The following ANKS1B variants were observed in gnomAD, a reference collection of about 807,000 sequenced individuals.
The protein encoded by ANKS1B is ankyrin repeat and sterile alpha motif domain-containing protein 1B.
ANKS1B carries 36 observed loss-of-function variants against 148.3 expected under a neutral mutation model. The ratio of observed to expected loss-of-function variants is 0.24; its 90% confidence interval spans 0.19 to 0.32. The LOEUF (loss-of-function observed/expected upper bound fraction) is 0.32. Among genes scored for constraint, ANKS1B ranks in the 10% least tolerant of loss-of-function variants. The probability of loss-of-function intolerance (pLI) is 1.00; values close to 1 mark genes in which losing one functional copy is unlikely to be tolerated. For synonymous variants in ANKS1B, 542 were observed against 560.8 expected (o/e 0.97, Z 0.47); for missense variants, 1,157 against 1,542.6 (o/e 0.75, Z 4.19).
intron 9 of ANKS1B, among the ~76,000 whole-genome samples, chr12:99,615,691 G>A (rs1237118493): frequency 2.0e-5 from 3 of 152,082 alleles, no homozygotes; most frequent in Non-Finnish European, 4.4e-5. Flanking sequence ...ATATCATACT[G>A]AATAGGCAAA....
intron 20 of ANKS1B, among the ~76,000 whole-genome samples, chr12:98,803,304 T>C (rs1405245908): frequency 6.6e-6 from 1 of 152,222 alleles, no homozygotes; most frequent in African/African-American, 2.4e-5. Flanking sequence ...AACATGCAGC[T>C]ATGGGTTCTT....
chr12:99,183,941 T>C (rs1372173282), intron 14 of ANKS1B, among the ~76,000 whole-genome samples: 1 of 152,172 alleles, frequency 6.6e-6, no homozygotes, highest in African/African-American at 2.4e-5. Flanking sequence ...CAATATGCAA[T>C]GAAAAATTAA....
chr12:99,503,839 A>G (rs1331940026), intron 10 of ANKS1B, among the ~76,000 whole-genome samples: 1 of 152,012 alleles, frequency 6.6e-6, no homozygotes, highest in Admixed American at 6.6e-5. Flanking sequence ...TTGACCATCC[A>G]CTTGAAAATT....
At chr12:99,642,839 T>C (rs565025712) in intron 9 of ANKS1B, among the ~76,000 whole-genome samples, 21 of 152,216 alleles carry the variant, frequency 1.4e-4, no homozygotes, top group Non-Finnish European at 2.2e-4. Flanking sequence ...GAGAATCTGT[T>C]CCCTGCCTTT....
At chr12:99,143,514 C>T (rs1156721557) in intron 15 of ANKS1B, among the ~76,000 whole-genome samples, 1 of 152,034 alleles carries the variant, frequency 6.6e-6, no homozygotes, top group East Asian at 1.9e-4. Flanking sequence ...CCTGAGTTTT[C>T]TTGTGGATAA....
chr12:99,243,249 C>T (rs897642936), intron 14 of ANKS1B, among the ~76,000 whole-genome samples: 36 of 152,144 alleles, frequency 2.4e-4, no homozygotes, highest in African/African-American at 8.7e-4. Context: ...AAGAAGACAT[C>T]TATCTAGCCA....
chr12:99,875,613 G>T (rs1373901542), intron 1 of ANKS1B, among the ~76,000 whole-genome samples: 1 of 152,224 alleles, frequency 6.6e-6, no homozygotes, highest in East Asian at 1.9e-4. Flanking sequence ...GATGCAGACA[G>T]AAGTGATATT....
chr12:99,620,340 C>A (rs1567494748), intron 9 of ANKS1B, among the ~76,000 whole-genome samples: 1 of 152,156 alleles, frequency 6.6e-6, no homozygotes, highest in East Asian at 1.9e-4. Flanking sequence ...TGTAGTGACA[C>A]CACCAAAGGA....
At chr12:99,301,352 C>G (rs1196371230) in intron 12 of ANKS1B, among the ~76,000 whole-genome samples, 1 of 152,030 alleles carries the variant, frequency 6.6e-6, no homozygotes, top group Admixed American at 6.6e-5. Context: ...TAAAATTAAC[C>G]ATTACACCAG....
chr12:98,905,635 G>T (rs1159593434), intron 17 of ANKS1B, among the ~76,000 whole-genome samples: 2 of 152,044 alleles, frequency 1.3e-5, no homozygotes, highest in Non-Finnish European at 1.5e-5. Flanking sequence ...AGCCTGGCAT[G>T]GTGGTGCACA....
chr12:99,464,318 T>C (rs549881682), intron 10 of ANKS1B, among the ~76,000 whole-genome samples: 1 of 151,842 alleles, frequency 6.6e-6, no homozygotes, highest in African/African-American at 2.4e-5. Context: ...AAACCAAAAG[T>C]AGATAAAACT....
At chr12:99,391,186 C>T (rs1011203234) in intron 12 of ANKS1B, among the ~76,000 whole-genome samples, 1 of 152,218 alleles carries the variant, frequency 6.6e-6, no homozygotes. Flanking sequence ...TCTCCAAAGA[C>T]AGCCTTGCTC....
At chr12:99,840,241 GA>G (rs1012620206) in intron 1 of ANKS1B, among the ~76,000 whole-genome samples, 1 of 152,098 alleles carries the variant, frequency 6.6e-6, no homozygotes, top group Admixed American at 6.6e-5. Flanking sequence ...AACATTTTAG[GA>G]AGAAATGGGC....
chr12:99,031,485 T>C (rs1347630676), intron 17 of ANKS1B, among the ~76,000 whole-genome samples: 1 of 152,192 alleles, frequency 6.6e-6, no homozygotes, highest in African/African-American at 2.4e-5. Context: ...CCCAGTCTCC[T>C]GCAAGTTGGA....
In ANKS1B at chr12:99,246,743, A is replaced by G. The variant is rs780376070; in HGVS notation, c.1878T>C (p.Tyr626=). The G allele has an allele frequency of 7.4e-6, 12 of 1,613,742 alleles. No individual in the cohort carries two copies. In the African/African-American group the frequency reaches 1.3e-4, roughly 18 times the overall value. The change falls in exon 13 of 27, where the codon TAT becomes TAC. Residue 626 remains tyrosine, a synonymous_variant. Coordinates refer to ENST00000683438, the MANE Select transcript of ANKS1B (RefSeq NM_001352186.2). The stretch of plus-strand genomic sequence containing the variant: ...CTTTTTCACATTGTTCTCTTTTCCC[A>G]TAGAGATGAAATGGATTTTCAGGGG... ...CESPENPFHL[Y]GKREQCEKGQ...
chr12:99,075,953 T>C (rs889587461), intron 16 of ANKS1B, among the ~76,000 whole-genome samples: 2 of 150,858 alleles, frequency 1.3e-5, no homozygotes, highest in Admixed American at 6.6e-5. Flanking sequence ...AGCATGTATA[T>C]ATAATGAAAT....
chr12:99,938,900 C>A (rs557178367), intron 1 of ANKS1B, among the ~76,000 whole-genome samples: 2 of 152,134 alleles, frequency 1.3e-5, no homozygotes, highest in East Asian at 3.9e-4. Context: ...GCCCCGCAGA[C>A]GCTGGTAGAG....
chr12:98,926,748 G>A (rs2099808785), intron 17 of ANKS1B, among the ~76,000 whole-genome samples: 1 of 152,070 alleles, frequency 6.6e-6, no homozygotes, highest in Non-Finnish European at 1.5e-5. Context: ...TGTAATAGCT[G>A]TGATAAAAAT....
intron 17 of ANKS1B, among the ~76,000 whole-genome samples, chr12:99,006,923 A>G (rs185225608): frequency 6.6e-6 from 1 of 152,334 alleles, no homozygotes; most frequent in East Asian, 1.9e-4. Flanking sequence ...CTGTTCATCT[A>G]TCAGGTAAGC....
Sources: gnomAD v4.1 joint callset for allele counts (sites outside exome capture counted in the v4.1 genomes callset) on GRCh38, gnomAD v4.1.1 for gene constraint, MANE v1.5 for transcripts, NCBI Gene and HGNC (gene_info 2026-07-23, HGNC 2026-07-21) for gene names.